Variants in GRIN2A observed in about 807,000 individuals in gnomAD.
GRIN2A encodes the protein glutamate ionotropic receptor NMDA type subunit 2A, also known as glutamate receptor ionotropic, NMDA 2A.
Under a neutral mutation model 113.4 loss-of-function variants are expected in GRIN2A, and 22 were observed. The observed-to-expected ratio is 0.19, with a 90% confidence interval of 0.14 to 0.28. The LOEUF (loss-of-function observed/expected upper bound fraction) is 0.28, where lower values mean the gene tolerates loss of function less well. GRIN2A is among the 10% of genes least tolerant of loss of function. The pLI, the probability that GRIN2A is intolerant of heterozygous loss-of-function variation, is 1.00. For missense variants in GRIN2A, 1,502 were observed against 1,887.0 expected, an observed-to-expected ratio of 0.80 and a Z score of 3.78; for synonymous variants, 827 against 738.4, an observed-to-expected ratio of 1.12 and a Z score of -1.94.
At chr16:9,795,906 T>C (rs1294855632) in intron 11 of GRIN2A, among the ~76,000 whole-genome samples, 1 of 152,244 alleles carries the variant, frequency 6.6e-6, no homozygotes, top group African/African-American at 2.4e-5. Context: ...GAGAATTAAA[T>C]ATAACAACAG....
At chr16:10,179,973 G>A (rs200210463) in intron 2 of GRIN2A, 25 bp downstream of exon 2, 35 of 1,608,238 alleles carry the variant, frequency 2.2e-5, no homozygotes, top group Non-Finnish European at 2.8e-5. Flanking sequence ...CCAGGTCCTG[G>A]CAGGGCATCA....
intron 2 of GRIN2A, among the ~76,000 whole-genome samples, chr16:10,018,003 C>G (rs909709612): frequency 6.6e-6 from 1 of 152,132 alleles, no homozygotes; most frequent in Non-Finnish European, 1.5e-5. Context: ...AATTGTTTGG[C>G]ACCCTTTTAA....
chr16:9,772,583 G>A (rs1315120461), intron 11 of GRIN2A, among the ~76,000 whole-genome samples: 1 of 152,110 alleles, frequency 6.6e-6, no homozygotes, highest in Non-Finnish European at 1.5e-5. Flanking sequence ...ATCTTGCCCA[G>A]GCTGATGATC....
chr16:9,999,813 G>A (rs973728340), intron 2 of GRIN2A, among the ~76,000 whole-genome samples: 3 of 152,168 alleles, frequency 2.0e-5, no homozygotes, highest in African/African-American at 7.2e-5. Context: ...GGGGGTATTA[G>A]TTTCCATTTG....
intron 11 of GRIN2A, among the ~76,000 whole-genome samples, chr16:9,773,695 T>C (rs754805415): frequency 6.6e-6 from 1 of 152,188 alleles, no homozygotes; most frequent in African/African-American, 2.4e-5. Flanking sequence ...AGTAAGCTCA[T>C]GCACATTTGC....
chr16:9,797,562 G>A (rs148811116), intron 11 of GRIN2A, among the ~76,000 whole-genome samples: 9 of 152,228 alleles, frequency 5.9e-5, no homozygotes, highest in African/African-American at 1.2e-4. Context: ...ATTCCTCCAC[G>A]GGATAAGAAC....
intron 2 of GRIN2A, among the ~76,000 whole-genome samples, chr16:10,068,600 C>A (rs1173025369): frequency 6.6e-6 from 1 of 152,230 alleles, no homozygotes; most frequent in Non-Finnish European, 1.5e-5. Context: ...ACACTTCCCA[C>A]CAGGCCCCAC....
chr16:9,829,376 C>G, intron 9 of GRIN2A, 47 bp downstream of exon 9: 1 of 1,181,166 alleles, frequency 8.5e-7, no homozygotes, highest in Non-Finnish European at 1.3e-6. Flanking sequence ...GAAAGGAGAG[C>G]AGTTAAGACC....
At chr16:9,953,761 G>T (rs1053995021) in intron 2 of GRIN2A, among the ~76,000 whole-genome samples, 2 of 152,146 alleles carry the variant, frequency 1.3e-5, no homozygotes, top group African/African-American at 2.4e-5. Flanking sequence ...GGGGTGAAAG[G>T]TGTCTAGTGT....
At chr16:9,847,578 T>A (rs887449549) in intron 5 of GRIN2A, among the ~76,000 whole-genome samples, 7 of 149,924 alleles carry the variant, frequency 4.7e-5, no homozygotes, top group African/African-American at 1.7e-4. Context: ...ATAAAAAAAA[T>A]TAATGTTTTA....
rs78838365 is a variant in GRIN2A at position 9,992,296 on chromosome 16, T to C, written c.415-53745A>G. On this transcript the variant is annotated intron_variant, in intron 2 of 12. Transcript: ENST00000330684. ...GGATAAGCTAGTTTATAGAGGAAGC[T>C]GGATGAGGTAAAGAGGAGGCTTTAT... Among the ~76,000 whole-genome samples, 809 of 152,240 alleles carry C rather than the reference T, an allele frequency of 5.3e-3. 10 individuals are homozygous for C. The highest frequency in any genetic ancestry group is 0.018 in the African/African-American group (747 of 41,552).
chr16:9,781,344 A>G (rs779701395), intron 11 of GRIN2A, among the ~76,000 whole-genome samples: 42 of 152,132 alleles, frequency 2.8e-4, no homozygotes, highest in African/African-American at 4.1e-4. Context: ...CACTATTACT[A>G]TTACTTTAGA....
intron 2 of GRIN2A, among the ~76,000 whole-genome samples, chr16:10,047,752 C>T (rs999279061): frequency 6.6e-6 from 1 of 152,166 alleles, no homozygotes; most frequent in Admixed American, 6.5e-5. Flanking sequence ...CTTTTCTGCC[C>T]TGGAATAGCC....
At chr16:9,971,180 C>G (rs1369331460) in intron 2 of GRIN2A, among the ~76,000 whole-genome samples, 2 of 152,198 alleles carry the variant, frequency 1.3e-5, no homozygotes, top group East Asian at 3.9e-4. Context: ...TTGCTTTATT[C>G]TCCTCTTGAA....
chr16:9,835,190 G>A (rs1156653977), intron 7 of GRIN2A, among the ~76,000 whole-genome samples: 1 of 152,160 alleles, frequency 6.6e-6, no homozygotes, highest in Non-Finnish European at 1.5e-5. Context: ...AGCCTTAAAT[G>A]CAATTGAAAG....
At chr16:9,899,919 T>C (rs2043884741) in intron 3 of GRIN2A, among the ~76,000 whole-genome samples, 1 of 152,230 alleles carries the variant, frequency 6.6e-6, no homozygotes, top group Non-Finnish European at 1.5e-5. Flanking sequence ...TTCAATTTTG[T>C]GGCTTTCAAC....
At chr16:9,823,039 A>T (rs2042317496) in intron 9 of GRIN2A, among the ~76,000 whole-genome samples, 1 of 152,176 alleles carries the variant, frequency 6.6e-6, no homozygotes, top group South Asian at 2.1e-4. Context: ...GGCAGGCTCC[A>T]TGAATACTTG....
chr16:9,983,416 C>A (rs892122140), intron 2 of GRIN2A, among the ~76,000 whole-genome samples: 2 of 151,734 alleles, frequency 1.3e-5, no homozygotes, highest in African/African-American at 4.8e-5. Context: ...CATGTTGCCA[C>A]GAATGACAAG....
chr16:10,064,183 G>C (rs2047603906), intron 2 of GRIN2A, among the ~76,000 whole-genome samples: 1 of 152,154 alleles, frequency 6.6e-6, no homozygotes. Context: ...CACGAGAACA[G>C]ATATTCCTTC....
Sources: allele counts gnomAD v4.1 joint callset (sites outside exome capture counted in the v4.1 genomes callset), GRCh38; gene constraint gnomAD v4.1.1; transcripts MANE v1.5; gene names NCBI Gene and HGNC (gene_info 2026-07-23, HGNC 2026-07-21).